OGDH: variants seen among roughly 807,000 people sequenced by gnomAD.
OGDH encodes 2-oxoglutarate dehydrogenase complex component E1.
OGDH carries 38 observed loss-of-function variants against 116.6 expected under a neutral mutation model. The ratio of observed to expected loss-of-function variants is 0.33; its 90% CI spans 0.25 to 0.43. OGDH has a LOEUF of 0.43. Among genes scored for constraint, OGDH ranks in the 20% least tolerant of loss-of-function variants. The pLI, the probability that OGDH is intolerant of heterozygous loss-of-function variation, is 1.00. For missense variants in OGDH, 825 were observed against 1,357.2 expected (o/e 0.61, Z 6.16); for synonymous variants, 488 against 533.3 (o/e 0.92, Z 1.17).
chr7:44,643,571 T>G (rs1205214912), intron 2 of OGDH, among the ~76,000 whole-genome samples: 1 of 152,216 alleles, frequency 6.6e-6, no homozygotes, highest in African/African-American at 2.4e-5. Flanking sequence ...CTCTTGGTAG[T>G]GGGACCATCT....
intron 1 of OGDH, among the ~76,000 whole-genome samples, chr7:44,607,901 C>T (rs971763158): frequency 2.6e-5 from 4 of 152,122 alleles, no homozygotes; most frequent in African/African-American, 9.7e-5. Flanking sequence ...GGGTTTTCAC[C>T]ACCTTGGCCA....
At chr7:44,626,452 T>G (rs1042490452) in intron 2 of OGDH, among the ~76,000 whole-genome samples, 1 of 152,180 alleles carries the variant, frequency 6.6e-6, no homozygotes, top group Non-Finnish European at 1.5e-5. Flanking sequence ...TCTTTTGCCT[T>G]CCTTTTCTCA....
Position 44,627,024 on chromosome 7 carries a change from TCTCA to T in OGDH, c.222+2463_222+2466del, listed in dbSNP as rs1302870260. On this transcript the variant is annotated intron_variant, in intron 2 of 22. Transcript: ENST00000222673. ...GTTTTGTTTTGTTTTTGAGATGGAG[TCTCA>T]CTCTGTCGCTCAGACTGGAGTGCAG... Among the ~76,000 whole-genome samples the T allele has an allele frequency of 3.3e-5, 5 of 152,172 alleles. No homozygotes were observed. The South Asian group carries it at 1.0e-3, about 32-fold the overall frequency.
rs777624714 is a variant in OGDH at position 44,705,051 on chromosome 7, C to CTTTTTTTTTTTTTT, written c.2633-2168_2633-2155dup. Among the ~76,000 whole-genome samples the CTTTTTTTTTTTTTT allele has an allele frequency of 1.3e-3, 120 of 93,912 alleles. 10 individuals are homozygous for CTTTTTTTTTTTTTT. The highest frequency in any genetic ancestry group is 6.2e-3 in the African/African-American group (105 of 17,062). 61.6% of individuals were successfully genotyped at this position (93,912 alleles called of 152,430 possible). ...TTGATGTACAAAAGTTTTTAATTTTCTTTTTTTTTTTTTTTTTTTGAGACG... is the reference window on the plus strand; with the variant it reads ...TTGATGTACAAAAGTTTTTAATTTTCTTTTTTTTTTTTTTTTTTTTTTTTTTTTTTTTTGAGACG... On this transcript the variant is annotated intron_variant, in intron 20 of 22. Coordinates refer to ENST00000222673, the MANE Select transcript of OGDH (RefSeq NM_002541.4).
chr7:44,704,864 C>T (rs1487014634), intron 20 of OGDH, among the ~76,000 whole-genome samples: 1 of 151,384 alleles, frequency 6.6e-6, no homozygotes, highest in South Asian at 2.1e-4. Context: ...GCGCACGCCA[C>T]CATGCCTAGC....
intron 1 of OGDH, among the ~76,000 whole-genome samples, chr7:44,620,573 A>G (rs1287624305): frequency 2.6e-5 from 4 of 152,220 alleles, no homozygotes; most frequent in African/African-American, 9.6e-5. Context: ...CAGCACCTTC[A>G]GTTGAAAAGA....
At chr7:44,616,604 T>C (rs1562610161) in intron 1 of OGDH, among the ~76,000 whole-genome samples, 1 of 142,618 alleles carries the variant, frequency 7.0e-6, no homozygotes, top group South Asian at 2.4e-4. Flanking sequence ...TTTCCTAGGC[T>C]ACATATATAT....
intron 4 of OGDH, among the ~76,000 whole-genome samples, chr7:44,648,905 G>A (rs544810058): frequency 1.3e-5 from 2 of 152,264 alleles, no homozygotes; most frequent in East Asian, 3.9e-4. Context: ...ATTCCGTGGT[G>A]ACAACTTTGT....
At chr7:44,624,245 A>T in intron 1 of OGDH, 72 bp from the exon 2 acceptor site, 3 of 1,015,658 alleles carry the variant, frequency 3.0e-6, no homozygotes, top group Non-Finnish European at 2.9e-6. Context: ...ATCAGGATCT[A>T]GTAGCCTTGT....
intron 4 of OGDH, among the ~76,000 whole-genome samples, chr7:44,651,337 TCTC>T (rs2115859943): frequency 6.6e-6 from 1 of 152,286 alleles, no homozygotes; most frequent in Non-Finnish European, 1.5e-5. Context: ...TCTCAGAAAT[TCTC>T]CTGGTCCCTG....
chr7:44,628,286 AT>A (rs1458160349), intron 2 of OGDH, among the ~76,000 whole-genome samples: 5 of 152,124 alleles, frequency 3.3e-5, no homozygotes, highest in Admixed American at 3.3e-4. Flanking sequence ...TAATTCTCTA[AT>A]AGAATTTTTT....
At chr7:44,629,869 C>A (rs1170860375) in intron 2 of OGDH, among the ~76,000 whole-genome samples, 1 of 152,238 alleles carries the variant, frequency 6.6e-6, no homozygotes, top group Non-Finnish European at 1.5e-5. Context: ...CGTGAGCCAT[C>A]ATGCCCGGCC....
chr7:44,683,191 A>G lies in OGDH; in HGVS notation c.1335+1343A>G, dbSNP rs111631436. ...AAATAAATAAAAAAGAAAAAAATAG[A>G]TTTTAATACATTATTTTTAAGATGG... On this transcript the variant is annotated intron_variant, in intron 10 of 22. Coordinates refer to ENST00000222673, the MANE Select transcript of OGDH (RefSeq NM_002541.4). Among the ~76,000 whole-genome samples, 89 of 152,202 alleles carry G rather than the reference A, an allele frequency of 5.8e-4. 1 individual carries two copies. The highest frequency in any genetic ancestry group is 2.0e-3 in the African/African-American group (84 of 41,540).
intron 2 of OGDH, among the ~76,000 whole-genome samples, chr7:44,643,059 A>G (rs1382670319): frequency 4.0e-5 from 6 of 150,370 alleles, no homozygotes; most frequent in Non-Finnish European, 8.9e-5. Context: ...GGAGTTTGAG[A>G]CCAGTTTGGG....
intron 5 of OGDH, among the ~76,000 whole-genome samples, chr7:44,667,956 G>A (rs1787256778): frequency 6.6e-6 from 1 of 152,134 alleles, no homozygotes; most frequent in Admixed American, 6.6e-5. Context: ...CTCTGAGGCT[G>A]TTCCTCTCAT....
At chr7:44,701,778 C>T (rs528783515) in intron 20 of OGDH, among the ~76,000 whole-genome samples, 163 bp downstream of exon 20, 4 of 152,294 alleles carry the variant, frequency 2.6e-5, no homozygotes, top group Non-Finnish European at 4.4e-5. Context: ...CACAGTGGCT[C>T]ACGCCTGTAA....
In OGDH at chr7:44,697,780, A is replaced by C. The variant is rs1446705870; in HGVS notation, c.2356A>C (p.Met786Leu). 5 of 1,613,090 alleles carry C rather than the reference A, an allele frequency of 3.1e-6. No homozygotes were observed. The highest frequency in any genetic ancestry group is 4.2e-6 in the Non-Finnish European group (5 of 1,179,552). Residue 786 changes from methionine (M) to leucine (L), a missense_variant and splice_region_variant, in exon 17 of 23, where the codon ATG becomes CTG. Transcript: ENST00000222673. This position sits in a 1 kb window ranked among gnomAD's most constrained non-coding sequence, Gnocchi z 6.0. ...VLLLPHGMEG[M>L]GPEHSSARPE... ...GCTGCTGCCCCATGGCATGGAGGGCATGGTGAGCCTCTGGCCCTTCCCTGC... is the reference window on the plus strand; with the variant it reads ...GCTGCTGCCCCATGGCATGGAGGGCCTGGTGAGCCTCTGGCCCTTCCCTGC...
At chr7:44,669,132 G>A (rs1172873997) in intron 5 of OGDH, among the ~76,000 whole-genome samples, 1 of 135,128 alleles carries the variant, frequency 7.4e-6, no homozygotes, top group Non-Finnish European at 1.6e-5. Flanking sequence ...GTCCCCTGTG[G>A]GGAGCCCGGC....
intron 2 of OGDH, among the ~76,000 whole-genome samples, chr7:44,630,727 C>T (rs1785402673): frequency 6.6e-6 from 1 of 152,290 alleles, no homozygotes; most frequent in East Asian, 1.9e-4. Flanking sequence ...AAGGTAAATG[C>T]TATGCAGATA....
Sources: gnomAD v4.1 joint callset for allele counts (sites outside exome capture counted in the v4.1 genomes callset) on GRCh38, gnomAD v4.1.1 for gene constraint, Gnocchi (gnomAD v3.1) non-coding constraint, MANE v1.5 for transcripts, NCBI Gene and HGNC (gene_info 2026-07-23, HGNC 2026-07-21) for gene names.